Variants in PRR27 observed in about 807,000 individuals in gnomAD.
The protein encoded by PRR27 is proline-rich protein 27.
PRR27 carries 12 observed loss-of-function variants against 16.8 expected under a neutral mutation model. The observed-to-expected ratio is 0.71, with a 90% CI of 0.46 to 1.16. The LOEUF is 1.16. PRR27 is among the 50% of genes most tolerant of loss of function. The probability of loss-of-function intolerance (pLI) is 0.00; values close to 1 mark genes in which losing one functional copy is unlikely to be tolerated. For synonymous variants in PRR27, 100 were observed against 98.4 expected (o/e 1.02, Z -0.10); for missense variants, 277 against 273.3 (o/e 1.01, Z -0.10).
At chr4:70,155,693 GCACACACA>G (rs72148610) in intron 1 of PRR27, among the ~76,000 whole-genome samples, 1 of 150,280 alleles carries the variant, frequency 6.7e-6, no homozygotes, top group Non-Finnish European at 1.5e-5. Flanking sequence ...ACACACAGAT[GCACACACA>G]CACACACACA....
chr4:70,159,094 C>G (rs1728573031), intron 3 of PRR27, among the ~76,000 whole-genome samples, 194 bp downstream of exon 3: 1 of 152,152 alleles, frequency 6.6e-6, no homozygotes, highest in African/African-American at 2.4e-5. Context: ...TATGTATACA[C>G]TCATGAAAAG....
At position 70,158,339 on chromosome 4, in the gene PRR27, C is replaced by T. The variant is rs1728539276; in HGVS notation, c.87C>T (p.Asp29=). ...TGTTTCTCCTTTAGGATGACAATGA[C>T]GATGGTCACCCACTTCATCCATCTC... The part of the protein sequence containing the change: ...RFPFIGEDDN[D]DGHPLHPSLN... The change falls in exon 3 of 5, where the codon GAC becomes GAT. Residue 29 remains aspartate, a synonymous_variant. Transcript: ENST00000344526. 8 of 1,599,338 alleles carry T rather than the reference C, an allele frequency of 5.0e-6. No homozygotes were observed. The highest frequency in any genetic ancestry group is 2.2e-5 in the East Asian group (1 of 44,474).
intron 4 of PRR27, among the ~76,000 whole-genome samples, 167 bp from the exon 5 acceptor site, chr4:70,162,528 C>G: frequency 5.2e-4 from 1 of 1,924 alleles, no homozygotes; most frequent in Non-Finnish European, 4.0e-3. Flanking sequence ...TATTCTGTAG[C>G]ATTTGTATTT....
At position 70,159,812 on chromosome 4, in the gene PRR27, A is replaced by T. The variant is rs532206125; in HGVS notation, c.648+912A>T. Among the ~76,000 whole-genome samples the T allele has an allele frequency of 5.4e-4, 82 of 152,092 alleles. 1 individual carries two copies. The highest frequency in any genetic ancestry group is 1.1e-3 in the Non-Finnish European group (73 of 68,016). On this transcript the variant is annotated intron_variant, in intron 3 of 4. Coordinates refer to ENST00000344526, the MANE Select transcript of PRR27 (RefSeq NM_214711.4). ...TCCAAGGCTAATTTTTCCTTTATTG[A>T]GATCAAATTATTCTGAGTGCTCAAA...
At chr4:70,158,184 G>T in intron 2 of PRR27, 144 bp from the exon 3 acceptor site, 1 of 587,688 alleles carries the variant, frequency 1.7e-6, no homozygotes, top group East Asian at 2.7e-5. Flanking sequence ...TCAAAAATAT[G>T]GAAGTACACT....
At position 70,164,067 on chromosome 4, in the gene PRR27, T is replaced by G. The variant is rs1728708518; in HGVS notation, c.*1406T>G. The G allele has an allele frequency of 1.3e-5, 2 of 152,190 alleles. No individual in the cohort carries two copies. The highest frequency in any genetic ancestry group is 1.5e-5 in the Non-Finnish European group (1 of 68,034). The allele number at this position is 152,190 out of a possible 1,614,324, so 9.4% of individuals were successfully genotyped here. ...CCCTCTTCTGCAACCCAGTGCTTTTTGTTCTATTACTGACTTCTTTTCCTT... is the reference window on the plus strand; with the variant it reads ...CCCTCTTCTGCAACCCAGTGCTTTTGGTTCTATTACTGACTTCTTTTCCTT... On this transcript the variant is annotated 3_prime_UTR_variant, in exon 5 of 5. Coordinates refer to ENST00000344526, the MANE Select transcript of PRR27 (RefSeq NM_214711.4).
rs1297016844 is a variant in PRR27, at chr4:70,162,943, C to T, written c.*282C>T. On this transcript the variant is annotated 3_prime_UTR_variant, in exon 5 of 5. Transcript: ENST00000344526. ...CTGAAATGGCAATCATTCAGCCTAG[C>T]CTGGAGTCTGATTATACAGCTACTA... The T allele has an allele frequency of 2.6e-5, 4 of 152,104 alleles. No individual in the cohort carries two copies. Among genetic ancestry groups the T allele is most frequent in the African/African-American group, 9.7e-5 (4 of 41,398 alleles). The allele number at this position is 152,104 out of a possible 1,614,324, so 9.4% of individuals were successfully genotyped here.
rs1728690372 is a variant in PRR27 at position 70,163,408 on chromosome 4, G to GTCA, written c.*747_*748insTCA. On this transcript the variant is annotated 3_prime_UTR_variant, in exon 5 of 5. Coordinates refer to ENST00000344526, the MANE Select transcript of PRR27 (RefSeq NM_214711.4). ...AGCTCACTGCAACTTCCACCTCCCG[G>GTCA]GTTCAAGTGATTCTCCTGCCTCAGC... 1 of 150,732 alleles carries GTCA rather than the reference G, an allele frequency of 6.6e-6. No individual in the cohort carries two copies. Among genetic ancestry groups the GTCA allele is most frequent in the African/African-American group, 2.4e-5 (1 of 41,002 alleles). 9.3% of individuals were successfully genotyped at this position (150,732 alleles called of 1,614,324 possible).
chr4:70,158,507 CTA>C lies in PRR27; in HGVS notation c.257_258del (p.Tyr86CysfsTer21), dbSNP rs1489374734. The C allele has an allele frequency of 6.2e-7, 1 of 1,614,150 alleles. No homozygotes were observed. Among genetic ancestry groups the C allele is most frequent in the Non-Finnish European group, 8.5e-7 (1 of 1,180,016 alleles). ...PWILTSPGFP[Y>X]VYHIRGFPLA... ...GGATTCTAACTTCTCCTGGATTCCC[CTA>C]TGTCTATCACATCCGTGGTTTTCCC... On this transcript the variant is annotated frameshift_variant, in exon 3 of 5. Transcript: ENST00000344526. LOFTEE classifies it high-confidence loss of function.
chr4:70,158,041 T>G (rs570623321), intron 2 of PRR27, among the ~76,000 whole-genome samples: 1 of 152,304 alleles, frequency 6.6e-6, no homozygotes, highest in East Asian at 1.9e-4. Flanking sequence ...GTGCGAGTGC[T>G]TTCCTTCTAT....
At chr4:70,154,727 TTA>T in intron 1 of PRR27, 1 of 1,364,524 alleles carries the variant, frequency 7.3e-7, no homozygotes, top group African/African-American at 1.4e-5. Context: ...TTAACAGAGT[TTA>T]TCTCTTCAAA....
chr4:70,154,868 T>C, intron 1 of PRR27: 1 of 778,588 alleles, frequency 1.3e-6, no homozygotes, highest in Non-Finnish European at 1.9e-6. Flanking sequence ...GACTGTAACG[T>C]AATATAGTGT....
chr4:70,161,658 G>T (rs542560282), intron 4 of PRR27, 28 bp downstream of exon 4: 17 of 1,070,480 alleles, frequency 1.6e-5, no homozygotes, highest in Non-Finnish European at 2.3e-5. Context: ...ATATAATTTA[G>T]AAATTATAGA....
rs574922844 is a variant in PRR27, at chr4:70,164,769, A to G, written c.*2108A>G. On this transcript the variant is annotated 3_prime_UTR_variant, in exon 5 of 5. Coordinates refer to ENST00000344526, the MANE Select transcript of PRR27 (RefSeq NM_214711.4). ...AAGATGAACCGAAATAGAAATATCA[A>G]GAGGCTACAAAGTCTTAGCAAATTA... is the stretch of plus-strand genomic sequence containing the variant. The G allele has an allele frequency of 7.2e-5, 11 of 152,262 alleles. No homozygotes were observed. In the East Asian group the frequency reaches 1.3e-3, roughly 19 times the overall value. 9.4% of individuals were successfully genotyped at this position (152,262 alleles called of 1,614,324 possible).
chr4:70,155,431 C>A (rs971623168), intron 1 of PRR27, among the ~76,000 whole-genome samples: 7 of 151,732 alleles, frequency 4.6e-5, no homozygotes, highest in South Asian at 2.1e-4. Context: ...GTGGCGCGAC[C>A]TGGGCTCACT....
intron 1 of PRR27, 46 bp downstream of exon 1, chr4:70,154,472 G>C (rs1018000724): frequency 6.9e-7 from 1 of 1,459,374 alleles, no homozygotes; most frequent in Non-Finnish European, 9.6e-7. Flanking sequence ...ATAACCATTT[G>C]CTAATTGTTT....
At chr4:70,155,522 C>CCA (rs2109789546) in intron 1 of PRR27, among the ~76,000 whole-genome samples, 1 of 152,190 alleles carries the variant, frequency 6.6e-6, no homozygotes, top group East Asian at 1.9e-4. Flanking sequence ...GCGCCCGCCA[C>CCA]CACGCCCGGC....
intron 4 of PRR27, among the ~76,000 whole-genome samples, 187 bp downstream of exon 4, chr4:70,161,817 C>A (rs1056869587): frequency 2.6e-5 from 4 of 152,130 alleles, no homozygotes; most frequent in Non-Finnish European, 5.9e-5. Context: ...GCGTAAGGAA[C>A]TCAGGCTACT....
chr4:70,158,451 T>TA lies in PRR27; in HGVS notation c.200dup (p.Tyr67Ter). 1 of 1,614,096 alleles carries TA rather than the reference T, an allele frequency of 6.2e-7. No homozygotes were observed. Among genetic ancestry groups the TA allele is most frequent in the Non-Finnish European group, 8.5e-7 (1 of 1,179,978 alleles). ...NTVPSYPGNTYTDTGLPSYPW... is the reference protein window; with the variant it reads ...NTVPSYPGNT ...AGTCCCCAGTTACCCTGGGAATACTTACACTGACACAGGGTTACCTTCGTA... is the reference window on the plus strand; with the variant it reads ...AGTCCCCAGTTACCCTGGGAATACTTAACACTGACACAGGGTTACCTTCGTA... The change falls in exon 3 of 5, where the codon TAC (tyrosine) becomes TAAC (stop). Residue 67 changes from tyrosine (Y) to a stop codon, truncating the protein, a stop_gained and frameshift_variant. Transcript: ENST00000344526. LOFTEE classifies it high-confidence loss of function.
Sources: allele counts gnomAD v4.1 joint callset (sites outside exome capture counted in the v4.1 genomes callset), GRCh38; gene constraint gnomAD v4.1.1; transcripts MANE v1.5; gene names NCBI Gene and HGNC (gene_info 2026-07-23, HGNC 2026-07-21).